Variants in MDGA2 observed in about 807,000 individuals in gnomAD.
MDGA2 encodes the protein MAM domain containing glycosylphosphatidylinositol anchor 2.
In MDGA2, 40 loss-of-function variants were observed where a neutral mutation model predicts 117.8. The ratio of observed to expected loss-of-function variants is 0.34; its 90% CI spans 0.26 to 0.44. MDGA2 has a LOEUF of 0.44. MDGA2 is among the 20% of genes least tolerant of loss of function. The pLI, the probability that MDGA2 is intolerant of heterozygous loss-of-function variation, is 1.00. For synonymous variants in MDGA2, 452 were observed against 439.0 expected (o/e 1.03, Z -0.37); for missense variants, 1,123 against 1,250.6 (o/e 0.90, Z 1.54).
chr14:46,857,192 A>G (rs1406283784), intron 14 of MDGA2, among the ~76,000 whole-genome samples: 8 of 152,316 alleles, frequency 5.3e-5, no homozygotes, highest in African/African-American at 1.7e-4. Flanking sequence ...TGGCGTTTCA[A>G]TTTCCACTTA....
chr14:47,621,239 G>A (rs1897044364), intron 1 of MDGA2, among the ~76,000 whole-genome samples: 1 of 152,164 alleles, frequency 6.6e-6, no homozygotes, highest in East Asian at 1.9e-4. Context: ...TACAGTTAAG[G>A]TCTAGTCTTT....
At chr14:47,491,444 G>A (rs922072748) in intron 1 of MDGA2, among the ~76,000 whole-genome samples, 2 of 152,052 alleles carry the variant, frequency 1.3e-5, no homozygotes, top group Admixed American at 6.6e-5. Flanking sequence ...ATATGAAAGA[G>A]GCACCAAGAT....
chr14:47,091,706 T>C (rs1268770438), intron 6 of MDGA2, among the ~76,000 whole-genome samples: 1 of 151,876 alleles, frequency 6.6e-6, no homozygotes. Context: ...CTTCAAGCCA[T>C]TGGGTATAGG....
At chr14:47,535,362 C>G (rs570451183) in intron 1 of MDGA2, among the ~76,000 whole-genome samples, 68 of 152,288 alleles carry the variant, frequency 4.5e-4, no homozygotes, top group African/African-American at 1.6e-3. Flanking sequence ...TAGGTTAACA[C>G]CTAACTTTGG....
chr14:46,899,898 A>G (rs1883219085), intron 10 of MDGA2, among the ~76,000 whole-genome samples: 1 of 152,136 alleles, frequency 6.6e-6, no homozygotes, highest in Admixed American at 6.6e-5. Context: ...GTATCAGTAT[A>G]GTTTAAAAAT....
chr14:47,652,615 T>G (rs914963275), intron 1 of MDGA2, among the ~76,000 whole-genome samples: 1 of 152,140 alleles, frequency 6.6e-6, no homozygotes, highest in African/African-American at 2.4e-5. Flanking sequence ...TCATTAAAGT[T>G]TCAGGATTAT....
At chr14:47,397,275 A>G (rs1226159658) in intron 1 of MDGA2, among the ~76,000 whole-genome samples, 2 of 152,170 alleles carry the variant, frequency 1.3e-5, no homozygotes, top group African/African-American at 2.4e-5. Context: ...GTGGGAGTTG[A>G]ACAATGAGAA....
At chr14:47,386,305 A>G (rs1891756616) in intron 1 of MDGA2, among the ~76,000 whole-genome samples, 2 of 152,178 alleles carry the variant, frequency 1.3e-5, no homozygotes, top group African/African-American at 4.8e-5. Context: ...AAAAGAATAA[A>G]GTATAGATTT....
chr14:47,412,203 C>A (rs1349739101), intron 1 of MDGA2, among the ~76,000 whole-genome samples: 1 of 152,028 alleles, frequency 6.6e-6, no homozygotes, highest in Non-Finnish European at 1.5e-5. Context: ...AACAAACAAA[C>A]AAACAAAAAA....
At chr14:47,196,721 A>C (rs551317732) in intron 3 of MDGA2, among the ~76,000 whole-genome samples, 13 of 152,260 alleles carry the variant, frequency 8.5e-5, no homozygotes, top group Admixed American at 3.3e-4. Flanking sequence ...TACATGGGTA[A>C]ATTATGTGTT....
chr14:47,353,957 C>A (rs1890938443), intron 1 of MDGA2, among the ~76,000 whole-genome samples: 1 of 152,118 alleles, frequency 6.6e-6, no homozygotes. Context: ...TCTTTCACCA[C>A]AATTAAGTGG....
intron 3 of MDGA2, among the ~76,000 whole-genome samples, chr14:47,208,979 G>C (rs1325403977): frequency 6.7e-6 from 1 of 149,078 alleles, no homozygotes; most frequent in Non-Finnish European, 1.5e-5. Context: ...GAATACGTTT[G>C]CTCGGGAATG....
chr14:47,600,408 C>T (rs772394592), intron 1 of MDGA2, among the ~76,000 whole-genome samples: 4 of 151,748 alleles, frequency 2.6e-5, no homozygotes, highest in African/African-American at 2.4e-5. Context: ...CACTCCAGCT[C>T]GGATGACAGA....
chr14:47,197,799 C>T (rs7143420), intron 3 of MDGA2, among the ~76,000 whole-genome samples: 4,512 of 152,214 alleles, frequency 0.03, 234 homozygotes, highest in African/African-American at 0.1. Flanking sequence ...ATCCCAGCTA[C>T]TCAGGAGGCT....
At chr14:47,561,022 T>C (rs1348805581) in intron 1 of MDGA2, among the ~76,000 whole-genome samples, 4 of 152,136 alleles carry the variant, frequency 2.6e-5, no homozygotes, top group African/African-American at 7.2e-5. Context: ...GCATTATTTC[T>C]GGGCCCTCTA....
rs912665779 is a variant in MDGA2 at position 46,884,597 on chromosome 14, C to G, written c.2239-2376G>C. The stretch of plus-strand genomic sequence containing the variant: ...CTACAGCACAGTCCTACACAAATGA[C>G]AAATTAAATAATGGCATGGGAAGAA... On this transcript the variant is annotated intron_variant, in intron 10 of 16. Coordinates refer to ENST00000399232, the MANE Select transcript of MDGA2 (RefSeq NM_001113498.3). The surrounding 1 kb of genome is among the most constrained non-coding windows in gnomAD (Gnocchi z 4.1). Among the ~76,000 whole-genome samples the G allele has an allele frequency of 1.3e-5, 2 of 151,902 alleles. No individual in the cohort carries two copies. Among genetic ancestry groups the G allele is most frequent in the African/African-American group, 4.8e-5 (2 of 41,372 alleles).
intron 16 of MDGA2, 81 bp from the exon 17 acceptor site, chr14:46,842,100 A>C: frequency 1.3e-6 from 1 of 790,470 alleles, no homozygotes; most frequent in Non-Finnish European, 2.1e-6. Context: ...ACCTTGGTGA[A>C]TAATAAAACA....
At chr14:47,484,402 T>C (rs1041040993) in intron 1 of MDGA2, among the ~76,000 whole-genome samples, 6 of 152,150 alleles carry the variant, frequency 3.9e-5, no homozygotes, top group Non-Finnish European at 7.4e-5. Context: ...AATGGTATAA[T>C]TGAAATGAAT....
intron 1 of MDGA2, among the ~76,000 whole-genome samples, chr14:47,643,340 T>C (rs187541742): frequency 6.6e-6 from 1 of 152,188 alleles, no homozygotes; most frequent in East Asian, 1.9e-4. Context: ...GTGCTTCTTG[T>C]CAATCATTTT....
Sources: allele counts gnomAD v4.1 joint callset (sites outside exome capture counted in the v4.1 genomes callset), GRCh38; gene constraint gnomAD v4.1.1; non-coding constraint Gnocchi (gnomAD v3.1); transcripts MANE v1.5; gene names NCBI Gene and HGNC (gene_info 2026-07-23, HGNC 2026-07-21).